The following STK32A variants were observed in gnomAD, a reference collection of about 807,000 sequenced individuals.
STK32A encodes serine/threonine kinase 32A.
Under a neutral mutation model 53.2 loss-of-function variants are expected in STK32A, and 41 were observed. The ratio of observed to expected loss-of-function variants is 0.77; its 90% CI spans 0.60 to 1.00. The LOEUF is 1.00. Among genes scored for constraint, STK32A ranks in the 50% least tolerant of loss-of-function variants. The probability of loss-of-function intolerance (pLI) is 0.00; values close to 1 mark genes in which losing one functional copy is unlikely to be tolerated. For synonymous variants in STK32A, 166 were observed against 162.8 expected (o/e 1.02, Z -0.15); for missense variants, 458 against 485.8 (o/e 0.94, Z 0.54).
chr5:147,281,990 T>C (rs1376418412), intron 4 of STK32A, among the ~76,000 whole-genome samples: 2 of 152,194 alleles, frequency 1.3e-5, no homozygotes, highest in Non-Finnish European at 2.9e-5. Context: ...AAGAATTTTG[T>C]ATCCAGTGAA....
At chr5:147,280,004 C>T (rs1581032667) in intron 4 of STK32A, among the ~76,000 whole-genome samples, 1 of 152,130 alleles carries the variant, frequency 6.6e-6, no homozygotes, top group Non-Finnish European at 1.5e-5. Context: ...ACTGGAGAAG[C>T]TGAAGGTCTG....
intron 7 of STK32A, among the ~76,000 whole-genome samples, chr5:147,361,300 C>T (rs1049431553): frequency 2.6e-5 from 4 of 152,144 alleles, no homozygotes; most frequent in African/African-American, 9.7e-5. Flanking sequence ...AAGGCCTATG[C>T]ATGCCTGTGT....
chr5:147,375,233 A>G lies in STK32A; in HGVS notation c.1032+15A>G, dbSNP rs1186058658. ...ATTCTTCTCAGGTAAGCAGGTCCCC[A>G]CCAAACTCAGGGTCATGGGTATCCC... On this transcript the variant is annotated intron_variant, in intron 11 of 12. Coordinates refer to ENST00000397936, the MANE Select transcript of STK32A (RefSeq NM_001112724.2). 1.9e-6 allele frequency: 3 copies of G among 1,609,020 alleles called. No homozygotes were observed. Among genetic ancestry groups the G allele is most frequent in the Admixed American group, 3.4e-5 (2 of 59,406 alleles).
chr5:147,360,947 C>T (rs1260492799), intron 7 of STK32A, among the ~76,000 whole-genome samples: 1 of 152,146 alleles, frequency 6.6e-6, no homozygotes, highest in African/African-American at 2.4e-5. Context: ...ACTACAGTTA[C>T]AAAGTGTAAA....
chr5:147,297,806 C>G (rs1214294953), intron 4 of STK32A, among the ~76,000 whole-genome samples: 1 of 151,864 alleles, frequency 6.6e-6, no homozygotes, highest in Non-Finnish European at 1.5e-5. Context: ...GGTGAAATCC[C>G]GTCTCTACTA....
At chr5:147,336,857 C>T (rs946389035) in intron 5 of STK32A, among the ~76,000 whole-genome samples, 6 of 152,160 alleles carry the variant, frequency 3.9e-5, no homozygotes, top group Admixed American at 6.5e-5. Flanking sequence ...CAGAACTTGG[C>T]GATGGCCCAA....
chr5:147,328,591 C>A (rs1473054987), intron 5 of STK32A, among the ~76,000 whole-genome samples: 2 of 152,214 alleles, frequency 1.3e-5, no homozygotes, highest in Admixed American at 6.5e-5. Context: ...GCTTTAGTTT[C>A]CAAAGAATGG....
At chr5:147,368,166 T>A (rs1447909066) in intron 8 of STK32A, among the ~76,000 whole-genome samples, 1 of 152,256 alleles carries the variant, frequency 6.6e-6, no homozygotes, top group East Asian at 1.9e-4. Context: ...AAGGTCCACA[T>A]CTTTTATAGT....
chr5:147,319,310 T>A (rs1325533482), intron 4 of STK32A, among the ~76,000 whole-genome samples: 5 of 151,836 alleles, frequency 3.3e-5, no homozygotes, highest in African/African-American at 9.7e-5. Flanking sequence ...CCCCGGCTAA[T>A]TTTTTGTATT....
At chr5:147,298,840 C>T (rs1752990532) in intron 4 of STK32A, among the ~76,000 whole-genome samples, 1 of 152,150 alleles carries the variant, frequency 6.6e-6, no homozygotes, top group African/African-American at 2.4e-5. Flanking sequence ...TCCTGTCTTT[C>T]AGTAGAGTTT....
intron 2 of STK32A, among the ~76,000 whole-genome samples, chr5:147,256,256 C>A (rs1381750373): frequency 6.6e-6 from 1 of 152,222 alleles, no homozygotes; most frequent in Non-Finnish European, 1.5e-5. Context: ...GAGACAGAAG[C>A]TGGATGGCCC....
the STK32A span, among the ~76,000 whole-genome samples, chr5:147,394,390 C>T: frequency 6.6e-6 from 1 of 152,132 alleles, no homozygotes; most frequent in African/African-American, 2.4e-5. Flanking sequence ...GGAAGAAGAA[C>T]AATGACAAAG....
At chr5:147,296,251 A>G (rs77929385) in intron 4 of STK32A, among the ~76,000 whole-genome samples, 21,924 of 152,228 alleles carry the variant, frequency 0.14, 2,121 homozygotes, top group South Asian at 0.38. Flanking sequence ...AGCAAAAGGG[A>G]AAGTTTATTT....
chr5:147,245,650 A>G (rs1753744473), intron 2 of STK32A, among the ~76,000 whole-genome samples: 1 of 152,236 alleles, frequency 6.6e-6, no homozygotes, highest in African/African-American at 2.4e-5. Flanking sequence ...TAAAGGTGAT[A>G]AAGTTGGCTT....
At chr5:147,383,126 T>C (rs1205163724) in intron 11 of STK32A, 1 of 353,100 alleles carries the variant, frequency 2.8e-6, no homozygotes, top group Non-Finnish European at 5.1e-6. Context: ...AAGTTGGTCA[T>C]AATTAACTGC....
rs1756972660 is a variant in STK32A at position 147,370,724 on chromosome 5, C to T, written c.731C>T (p.Thr244Ile). 1 of 1,612,520 alleles carries T rather than the reference C, an allele frequency of 6.2e-7. No individual in the cohort carries two copies. The highest frequency in any genetic ancestry group is 1.3e-5 in the African/African-American group (1 of 74,866). The part of the protein sequence containing the change: ...IVHTFETTVV[T>I]YPSAWSQEMV... ...CACACGTTTGAGACGACTGTTGTAA[C>T]TTACCCTTCTGCCTGGTCACAGGAA... Residue 244 changes from threonine to isoleucine, a missense_variant, in exon 9 of 13, where the codon ACT becomes ATT. Coordinates refer to ENST00000397936, the MANE Select transcript of STK32A (RefSeq NM_001112724.2).
the STK32A span, chr5:147,394,170 C>T: frequency 2.0e-5 from 32 of 1,590,808 alleles, no homozygotes; most frequent in African/African-American, 1.1e-4. Context: ...AACAGAGTGG[C>T]GGGTAGGGGG....
At chr5:147,299,227 T>A (rs1356465966) in intron 4 of STK32A, among the ~76,000 whole-genome samples, 1 of 152,016 alleles carries the variant, frequency 6.6e-6, no homozygotes, top group East Asian at 1.9e-4. Context: ...CCTTTTTAGA[T>A]CATATAGGGT....
intron 4 of STK32A, among the ~76,000 whole-genome samples, chr5:147,300,535 G>A (rs564891501): frequency 6.6e-6 from 1 of 152,318 alleles, no homozygotes; most frequent in East Asian, 1.9e-4. Flanking sequence ...CACAGTAAGT[G>A]CTCGATAAAT....
Sources: gnomAD v4.1 joint callset for allele counts (sites outside exome capture counted in the v4.1 genomes callset) on GRCh38, gnomAD v4.1.1 for gene constraint, MANE v1.5 for transcripts, NCBI Gene and HGNC (gene_info 2026-07-23, HGNC 2026-07-21) for gene names.